The following TRAPPC3L variants were observed in gnomAD, a reference collection of about 807,000 sequenced individuals.
TRAPPC3L encodes the protein trafficking protein particle complex subunit 3-like protein.
A neutral mutation model predicts 23.7 loss-of-function variants in TRAPPC3L; 23 were observed. That is an observed-to-expected ratio of 0.97 (90% CI 0.70 to 1.37). The LOEUF (loss-of-function observed/expected upper bound fraction) is 1.37, where lower values mean the gene tolerates loss of function less well. TRAPPC3L is among the 40% of genes most tolerant of loss of function. TRAPPC3L has a pLI of 0.00. For missense variants in TRAPPC3L, 212 were observed against 216.8 expected, an observed-to-expected ratio of 0.98 and a Z score of 0.14; for synonymous variants, 81 against 77.9, an observed-to-expected ratio of 1.04 and a Z score of -0.21.
intron 2 of TRAPPC3L, among the ~76,000 whole-genome samples, chr6:116,542,561 T>A (rs909413129): frequency 1.3e-5 from 2 of 152,074 alleles, no homozygotes; most frequent in Non-Finnish European, 2.9e-5. Flanking sequence ...TCTTCAGAGT[T>A]TATAATTAAA....
chr6:116,514,083 G>A (rs1272389085), intron 3 of TRAPPC3L, among the ~76,000 whole-genome samples: 4 of 152,010 alleles, frequency 2.6e-5, no homozygotes, highest in Non-Finnish European at 5.9e-5. Context: ...GTTTGGGGGA[G>A]GACATATGCA....
chr6:116,510,546 C>T (rs1772095224), intron 3 of TRAPPC3L, among the ~76,000 whole-genome samples: 1 of 151,980 alleles, frequency 6.6e-6, no homozygotes. Context: ...CCTCGACCTC[C>T]CAAAATGCTA....
chr6:116,543,574 G>A (rs1269428734), intron 1 of TRAPPC3L, among the ~76,000 whole-genome samples, 174 bp from the exon 2 acceptor site: 2 of 151,958 alleles, frequency 1.3e-5, no homozygotes, highest in Non-Finnish European at 2.9e-5. Flanking sequence ...ATTCACATTT[G>A]GATACATTGA....
In TRAPPC3L at chr6:116,545,516, G is replaced by A. The variant is rs1484656016; in HGVS notation, c.-2C>T. On this transcript the variant is annotated 5_prime_UTR_variant, in exon 1 of 5. Coordinates refer to ENST00000368602, the MANE Select transcript of TRAPPC3L (RefSeq NM_001139444.3). The stretch of plus-strand genomic sequence containing the variant: ...TCTTCGGTGTGCAGGGCGAGACATA[G>A]TGCTTGATAGATGAAGAATATGATC... 4 of 1,547,114 alleles carry A rather than the reference G, an allele frequency of 2.6e-6. No homozygotes were observed. The highest frequency in any genetic ancestry group is 3.5e-6 in the Non-Finnish European group (4 of 1,144,350).
chr6:116,507,517 C>T (rs189579396), intron 3 of TRAPPC3L, among the ~76,000 whole-genome samples: 3 of 147,138 alleles, frequency 2.0e-5, no homozygotes, highest in Admixed American at 7.1e-5. Flanking sequence ...CTGCCCAGAA[C>T]GTGAATCATC....
chr6:116,497,085 G>GA lies in TRAPPC3L; in HGVS notation c.427-13dup. 1 of 1,530,432 alleles carries GA rather than the reference G, an allele frequency of 6.5e-7. No individual in the cohort carries two copies. Among genetic ancestry groups the GA allele is most frequent in the South Asian group, 1.3e-5 (1 of 79,724 alleles). 94.8% of individuals were successfully genotyped at this position (1,530,432 alleles called of 1,614,324 possible). A position where few individuals can be genotyped will look rare whatever the true frequency, so the allele number is the denominator to read the frequency against. ...GCCGCCAAATGAACCTAGGAAAGAA[G>GA]AAAAAAACAGGCCTGTGTCATTCAA... On this transcript the variant is annotated splice_polypyrimidine_tract_variant and intron_variant, in intron 4 of 4. Coordinates refer to ENST00000368602, the MANE Select transcript of TRAPPC3L (RefSeq NM_001139444.3).
rs553004895 is a variant in TRAPPC3L at position 116,503,300 on chromosome 6, G to T, written c.241-2634C>A. ...AGAAGGCCATTACATAATGGTAAAG[G>T]GATCAATTCAACAAGAAGAGCTAAC... On this transcript the variant is annotated intron_variant, in intron 3 of 4. Transcript: ENST00000368602. 5.3e-5 allele frequency among the ~76,000 whole-genome samples: 8 copies of T among 152,168 alleles called. No homozygotes were observed. In the South Asian group the frequency reaches 1.7e-3, roughly 32 times the overall value.
At chr6:116,517,052 A>T (rs1772242530) in intron 3 of TRAPPC3L, 1 of 152,204 alleles carries the variant, frequency 6.6e-6, no homozygotes, top group South Asian at 2.1e-4. Context: ...CTGCTTGCTG[A>T]CTTCTCAGTG....
chr6:116,530,120 T>G lies in TRAPPC3L; in HGVS notation c.240+10243A>C, dbSNP rs1484461978. Among the ~76,000 whole-genome samples the G allele has an allele frequency of 2.2e-4, 33 of 152,128 alleles. 1 individual carries two copies. The highest frequency in any genetic ancestry group is 2.2e-3 in the Admixed American group (33 of 15,274). On this transcript the variant is annotated intron_variant, in intron 3 of 4. Coordinates refer to ENST00000368602, the MANE Select transcript of TRAPPC3L (RefSeq NM_001139444.3). The stretch of plus-strand genomic sequence containing the variant: ...TGGTGACTTTTAGAGAAGTATTTGT[T>G]TTTAAGATGCATGTTATTTAGAAAA...
At chr6:116,500,020 T>C (rs2115153156) in intron 4 of TRAPPC3L, among the ~76,000 whole-genome samples, 1 of 152,310 alleles carries the variant, frequency 6.6e-6, no homozygotes, top group South Asian at 2.1e-4. Flanking sequence ...CACCCTCAGG[T>C]AGCACCCTCC....
intron 3 of TRAPPC3L, among the ~76,000 whole-genome samples, chr6:116,504,445 C>G (rs1287523469): frequency 6.6e-6 from 1 of 152,110 alleles, no homozygotes; most frequent in Admixed American, 6.5e-5. Context: ...CAAATTCTAC[C>G]AAGAGGTACA....
chr6:116,511,628 C>G (rs1772120339), intron 3 of TRAPPC3L: 1 of 1,449,108 alleles, frequency 6.9e-7, no homozygotes, highest in Non-Finnish European at 9.4e-7. Flanking sequence ...AGAGCTCCAC[C>G]CTCGGCCACT....
rs988088151 is a variant in TRAPPC3L, at chr6:116,495,827, G to A, written c.*1127C>T. ...TTTGTATGTGTATGTCTTCTTTTGAGAAATGTCTATTCAGATCTTTTGCCC... is the reference window on the plus strand; with the variant it reads ...TTTGTATGTGTATGTCTTCTTTTGAAAAATGTCTATTCAGATCTTTTGCCC... On this transcript the variant is annotated 3_prime_UTR_variant, in exon 5 of 5. Transcript: ENST00000368602. 1.3e-5 allele frequency: 2 copies of A among 151,620 alleles called. No individual in the cohort carries two copies. Among genetic ancestry groups the A allele is most frequent in the Non-Finnish European group, 2.9e-5 (2 of 67,950 alleles). 9.4% of individuals were successfully genotyped at this position (151,620 alleles called of 1,614,324 possible).
intron 4 of TRAPPC3L, 23 bp from the exon 5 acceptor site, chr6:116,497,096 G>A: frequency 1.3e-6 from 2 of 1,512,356 alleles, no homozygotes; most frequent in Non-Finnish European, 1.8e-6. Flanking sequence ...AAAAAAACAG[G>A]CCTGTGTCAT....
At chr6:116,497,318 C>T (rs932395912) in intron 4 of TRAPPC3L, among the ~76,000 whole-genome samples, 1 of 152,158 alleles carries the variant, frequency 6.6e-6, no homozygotes, top group Non-Finnish European at 1.5e-5. Context: ...GACACCCAGC[C>T]TCTGCCAAGC....
At chr6:116,540,241 C>G in intron 3 of TRAPPC3L, 122 bp downstream of exon 3, 1 of 879,888 alleles carries the variant, frequency 1.1e-6, no homozygotes, top group Non-Finnish European at 1.7e-6. Context: ...ATCAGAATCT[C>G]CTTTCTCAGC....
chr6:116,531,962 C>T (rs181012993), intron 3 of TRAPPC3L, among the ~76,000 whole-genome samples: 2 of 151,706 alleles, frequency 1.3e-5, no homozygotes, highest in African/African-American at 4.8e-5. Flanking sequence ...AAGTTGAGTT[C>T]GCTGTCATTA....
chr6:116,495,441 A>G lies in TRAPPC3L; in HGVS notation c.*1513T>C, dbSNP rs1470679890. ...TTGAAGGACACTTAGATTTCTTCCA[A>G]ATCTTAGCTATCGTCAGTAGTTCTG... On this transcript the variant is annotated 3_prime_UTR_variant, in exon 5 of 5. Coordinates refer to ENST00000368602, the MANE Select transcript of TRAPPC3L (RefSeq NM_001139444.3). The G allele has an allele frequency of 6.6e-6, 1 of 152,098 alleles. No homozygotes were observed. Among genetic ancestry groups the G allele is most frequent in the Non-Finnish European group, 1.5e-5 (1 of 67,998 alleles). The allele number at this position is 152,098 out of a possible 1,614,324, so 9.4% of individuals were successfully genotyped here.
At chr6:116,513,803 C>G (rs1392572495) in intron 3 of TRAPPC3L, among the ~76,000 whole-genome samples, 1 of 152,182 alleles carries the variant, frequency 6.6e-6, no homozygotes, top group Non-Finnish European at 1.5e-5. Context: ...CTGGATGACT[C>G]TCTATTCTTA....
Sources: allele counts gnomAD v4.1 joint callset (sites outside exome capture counted in the v4.1 genomes callset), GRCh38; gene constraint gnomAD v4.1.1; transcripts MANE v1.5; gene names NCBI Gene and HGNC (gene_info 2026-07-23, HGNC 2026-07-21).